BBS9: variants seen among roughly 807,000 people sequenced by gnomAD.
The protein encoded by BBS9 is Bardet-Biedl syndrome 9.
Under a neutral mutation model 117.7 loss-of-function variants are expected in BBS9, and 89 were observed. The observed-to-expected ratio is 0.76, with a 90% CI of 0.64 to 0.90. The LOEUF (loss-of-function observed/expected upper bound fraction) is 0.90, where lower values mean the gene tolerates loss of function less well. Among genes scored for constraint, BBS9 ranks in the 40% least tolerant of loss-of-function variants. BBS9 has a pLI of 0.00. For missense variants in BBS9, 982 were observed against 1,042.2 expected (o/e 0.94, Z 0.80); for synonymous variants, 379 against 370.9 (o/e 1.02, Z -0.25).
At chr7:33,547,958 C>T (rs910922589) in intron 21 of BBS9, among the ~76,000 whole-genome samples, 52 of 152,100 alleles carry the variant, frequency 3.4e-4, no homozygotes, top group Non-Finnish European at 5.1e-4. Context: ...ACAGAAGAAG[C>T]AATTAGGAGC....
chr7:33,518,088 T>A (rs1848063819), intron 20 of BBS9, among the ~76,000 whole-genome samples: 1 of 152,142 alleles, frequency 6.6e-6, no homozygotes, highest in Admixed American at 6.5e-5. Flanking sequence ...TGTATAGATC[T>A]TTCTGTCATG....
intron 21 of BBS9, among the ~76,000 whole-genome samples, chr7:33,593,381 A>G (rs1258342695): frequency 6.6e-6 from 1 of 152,136 alleles, no homozygotes; most frequent in Non-Finnish European, 1.5e-5. Flanking sequence ...GAAGACTTTA[A>G]CAAAATAGTG....
chr7:33,496,562 A>G (rs891114301), intron 19 of BBS9, among the ~76,000 whole-genome samples: 3 of 152,170 alleles, frequency 2.0e-5, no homozygotes, highest in African/African-American at 4.8e-5. Context: ...AGCTAAATGC[A>G]TGTTAAAGGG....
intron 20 of BBS9, among the ~76,000 whole-genome samples, chr7:33,527,324 A>G (rs1849725581): frequency 6.6e-6 from 1 of 152,250 alleles, no homozygotes; most frequent in Admixed American, 6.5e-5. Flanking sequence ...AGCCTGGGCA[A>G]TGGTGGGCGC....
Position 33,257,249 on chromosome 7 carries a change from T to C in BBS9, c.456T>C (p.Ile152=), listed in dbSNP as rs775028319. Residue 152 remains isoleucine (I), a synonymous_variant, in exon 6 of 23, where the codon ATT becomes ATC. Transcript: ENST00000242067. ...ATTCTTCTTTAGGTCGAGATTTAAT[T>C]TGCATCCAGTCTATGGATGGGATGC... ...SFGGVKGRDL[I]CIQSMDGMLM... 9 of 1,609,854 alleles carry C rather than the reference T, an allele frequency of 5.6e-6. No homozygotes were observed. Among genetic ancestry groups the C allele is most frequent in the African/African-American group, 2.7e-5 (2 of 74,864 alleles).
intron 9 of BBS9, among the ~76,000 whole-genome samples, chr7:33,317,790 G>T (rs542541594): frequency 1.3e-5 from 2 of 152,092 alleles, no homozygotes; most frequent in African/African-American, 4.8e-5. Context: ...AGTGGCTCAC[G>T]CCTGTAAGCT....
chr7:33,601,435 C>T (rs186751349), intron 21 of BBS9, among the ~76,000 whole-genome samples: 255 of 152,192 alleles, frequency 1.7e-3, no homozygotes, highest in African/African-American at 3.5e-3. Context: ...CATGGATGAC[C>T]TCAGAGAGTT....
intron 21 of BBS9, among the ~76,000 whole-genome samples, chr7:33,567,169 A>T (rs969702065): frequency 6.6e-6 from 1 of 152,166 alleles, no homozygotes; most frequent in Admixed American, 6.5e-5. Context: ...GCCTACCTGA[A>T]GTTCTATCTT....
chr7:33,507,788 A>G (rs113749529), intron 20 of BBS9, among the ~76,000 whole-genome samples: 17 of 152,300 alleles, frequency 1.1e-4, no homozygotes, highest in African/African-American at 4.1e-4. Context: ...CATAATTTGC[A>G]AGGCCTAGTG....
chr7:33,576,482 C>T (rs13312477), intron 21 of BBS9, among the ~76,000 whole-genome samples: 2 of 152,042 alleles, frequency 1.3e-5, no homozygotes, highest in Non-Finnish European at 2.9e-5. Flanking sequence ...CCATGCTGAC[C>T]AAGGTAATTT....
intron 19 of BBS9, among the ~76,000 whole-genome samples, chr7:33,428,355 G>A (rs1833933992): frequency 6.6e-6 from 1 of 152,078 alleles, no homozygotes; most frequent in Non-Finnish European, 1.5e-5. Flanking sequence ...GCTTTTAAAA[G>A]TATTTTATTG....
rs377160438 is a variant in BBS9, at chr7:33,170,082, A to C, written c.329-7396A>C. On this transcript the variant is annotated intron_variant, in intron 4 of 22. Coordinates refer to ENST00000242067, the MANE Select transcript of BBS9 (RefSeq NM_198428.3). ...ATTCCAATCAATAGAAAAAGAGGGA[A>C]TCCTCCCTAACTCATTTTATGAGGC... 1.3e-4 allele frequency among the ~76,000 whole-genome samples: 20 copies of C among 151,930 alleles called. No homozygotes were observed. In the East Asian group the frequency reaches 3.1e-3, roughly 24 times the overall value.
At chr7:33,351,990 G>C (rs1222441771) in intron 14 of BBS9, 2 of 154,110 alleles carry the variant, frequency 1.3e-5, no homozygotes, top group Non-Finnish European at 2.9e-5. Context: ...TCTGGGTTCT[G>C]GGTTTCATCC....
rs564122045 is a variant in BBS9, at chr7:33,304,383, G to A, written c.1016+30427G>A. On this transcript the variant is annotated intron_variant, in intron 9 of 22. Transcript: ENST00000242067. ...AGGTGAGGAGCACCTCTGCCCGGCCGCCACCCCATCTGGGAGGTGAGGAGT... is the reference window on the plus strand; with the variant it reads ...AGGTGAGGAGCACCTCTGCCCGGCCACCACCCCATCTGGGAGGTGAGGAGT... Among the ~76,000 whole-genome samples, 26 of 137,102 alleles carry A rather than the reference G, an allele frequency of 1.9e-4. 1 individual carries two copies. The South Asian group carries it at 3.4e-3, about 18-fold the overall frequency. The allele number at this position is 137,102 out of a possible 152,430, so 89.9% of individuals were successfully genotyped here.
chr7:33,403,402 T>G (rs1270849156), intron 19 of BBS9, among the ~76,000 whole-genome samples: 1 of 151,342 alleles, frequency 6.6e-6, no homozygotes, highest in East Asian at 2.0e-4. Context: ...GCCATGCTGG[T>G]GTGCTGCACC....
At chr7:33,274,370 T>C (rs1321289948) in intron 9 of BBS9, among the ~76,000 whole-genome samples, 1 of 152,236 alleles carries the variant, frequency 6.6e-6, no homozygotes, top group Non-Finnish European at 1.5e-5. Flanking sequence ...TTTCATTAAG[T>C]CAAGTGATGC....
chr7:33,331,254 T>C (rs1307607485), intron 9 of BBS9, among the ~76,000 whole-genome samples: 2 of 152,086 alleles, frequency 1.3e-5, no homozygotes, highest in Non-Finnish European at 2.9e-5. Flanking sequence ...AAAATAGGCA[T>C]AGAAGGGGCT....
At chr7:33,166,830 G>T (rs28764825) in intron 4 of BBS9, among the ~76,000 whole-genome samples, 6 of 152,132 alleles carry the variant, frequency 3.9e-5, no homozygotes, top group African/African-American at 1.4e-4. Flanking sequence ...CCAACCCCTT[G>T]CACTTCCTGG....
intron 5 of BBS9, among the ~76,000 whole-genome samples, chr7:33,226,445 A>G (rs1217289384): frequency 1.3e-5 from 2 of 152,216 alleles, no homozygotes; most frequent in Non-Finnish European, 2.9e-5. Flanking sequence ...TCAATGTTAT[A>G]TAGAACAAAC....
Sources: gnomAD v4.1 joint callset for allele counts (sites outside exome capture counted in the v4.1 genomes callset) on GRCh38, gnomAD v4.1.1 for gene constraint, MANE v1.5 for transcripts, NCBI Gene and HGNC (gene_info 2026-07-23, HGNC 2026-07-21) for gene names.